CARMIL1: variants seen among roughly 807,000 people sequenced by gnomAD.
CARMIL1 encodes F-actin-uncapping protein LRRC16A.
CARMIL1 carries 90 observed loss-of-function variants against 177.1 expected under a neutral mutation model. The ratio of observed to expected loss-of-function variants is 0.51; its 90% CI spans 0.43 to 0.61. The LOEUF (loss-of-function observed/expected upper bound fraction) is 0.61. Among genes scored for constraint, CARMIL1 ranks in the 20% least tolerant of loss-of-function variants. The probability of loss-of-function intolerance (pLI) is 0.00; values close to 1 mark genes in which losing one functional copy is unlikely to be tolerated. For missense variants in CARMIL1, 1,380 were observed against 1,667.0 expected (o/e 0.83, Z 3.00); for synonymous variants, 577 against 606.2 (o/e 0.95, Z 0.71).
intron 5 of CARMIL1, among the ~76,000 whole-genome samples, chr6:25,447,037 A>C (rs1798301670): frequency 6.6e-6 from 1 of 152,196 alleles, no homozygotes; most frequent in Non-Finnish European, 1.5e-5. Context: ...ACGTCACCAA[A>C]ACAGATATTA....
intron 22 of CARMIL1, among the ~76,000 whole-genome samples, chr6:25,519,827 T>A (rs995409075): frequency 2.6e-5 from 4 of 152,210 alleles, no homozygotes; most frequent in Non-Finnish European, 5.9e-5. Context: ...TTGGGGCTGG[T>A]TGTCACACAT....
chr6:25,521,194 G>T (rs1806515924), intron 23 of CARMIL1, among the ~76,000 whole-genome samples: 1 of 152,150 alleles, frequency 6.6e-6, no homozygotes, highest in Non-Finnish European at 1.5e-5. Flanking sequence ...AAGAAGGGAA[G>T]GGCAGGTTGG....
chr6:25,614,803 G>A (rs1188869013), intron 36 of CARMIL1, among the ~76,000 whole-genome samples: 4 of 152,190 alleles, frequency 2.6e-5, no homozygotes, highest in Admixed American at 6.5e-5. Flanking sequence ...GAGGCTTTGC[G>A]TTAGAGTAAA....
intron 27 of CARMIL1, 30 bp downstream of exon 27, chr6:25,551,115 G>C (rs1390637569): frequency 6.3e-7 from 1 of 1,574,814 alleles, no homozygotes. Flanking sequence ...AAACCTAGGA[G>C]CTGCAGTTTC....
At chr6:25,461,453 A>T (rs1039008927) in intron 8 of CARMIL1, among the ~76,000 whole-genome samples, 1 of 152,318 alleles carries the variant, frequency 6.6e-6, no homozygotes, top group Non-Finnish European at 1.5e-5. Flanking sequence ...TTGGTGCTTG[A>T]TGCTGGCTGG....
intron 2 of CARMIL1, among the ~76,000 whole-genome samples, chr6:25,309,080 G>T (rs1476175370): frequency 6.6e-6 from 1 of 152,090 alleles, no homozygotes; most frequent in African/African-American, 2.4e-5. Flanking sequence ...TGGAGACAGG[G>T]TCTCACTATG....
chr6:25,549,454 CT>C (rs1202359714), intron 26 of CARMIL1, among the ~76,000 whole-genome samples: 1 of 152,164 alleles, frequency 6.6e-6, no homozygotes, highest in Non-Finnish European at 1.5e-5. Context: ...TTACTTGCAT[CT>C]CTTGCAGATG....
intron 2 of CARMIL1, among the ~76,000 whole-genome samples, chr6:25,390,790 A>T (rs780830910): frequency 6.6e-6 from 1 of 152,200 alleles, no homozygotes; most frequent in Non-Finnish European, 1.5e-5. Context: ...TCCTGGGTTC[A>T]AGTGATTCTC....
At chr6:25,339,667 C>T (rs1236699594) in intron 2 of CARMIL1, among the ~76,000 whole-genome samples, 1 of 152,188 alleles carries the variant, frequency 6.6e-6, no homozygotes, top group Non-Finnish European at 1.5e-5. Context: ...CTTCAGTTCT[C>T]AGCAGGGTCA....
chr6:25,493,048 A>G lies in CARMIL1; in HGVS notation c.1220+1024A>G, dbSNP rs145861496. Among the ~76,000 whole-genome samples, 841 of 152,344 alleles carry G rather than the reference A, an allele frequency of 5.5e-3. 7 individuals carry two copies. Among genetic ancestry groups the G allele is most frequent in the Non-Finnish European group, 7.1e-3 (481 of 68,020 alleles). On this transcript the variant is annotated intron_variant, in intron 15 of 36. Coordinates refer to ENST00000329474, the MANE Select transcript of CARMIL1 (RefSeq NM_017640.6). The stretch of plus-strand genomic sequence containing the variant: ...GTTTTAATTGAAACCTAGTCAACTC[A>G]TATATTTGAAGCCAGCTTATAAAGC...
intron 21 of CARMIL1, 54 bp from the exon 22 acceptor site, chr6:25,517,293 G>T: frequency 7.4e-7 from 1 of 1,360,098 alleles, no homozygotes; most frequent in South Asian, 1.2e-5. Context: ...TATTCAATGT[G>T]AGAATCATTT....
chr6:25,485,486 G>T (rs889838220), intron 12 of CARMIL1, among the ~76,000 whole-genome samples: 1 of 152,198 alleles, frequency 6.6e-6, no homozygotes, highest in Non-Finnish European at 1.5e-5. Context: ...CACGATCTTG[G>T]CTCACTTGCA....
At chr6:25,528,368 A>G (rs965284677) in intron 23 of CARMIL1, among the ~76,000 whole-genome samples, 1 of 152,222 alleles carries the variant, frequency 6.6e-6, no homozygotes, top group African/African-American at 2.4e-5. Flanking sequence ...TACAGCTGGA[A>G]TAAGGCTATA....
chr6:25,400,218 A>G lies in CARMIL1; in HGVS notation c.139-19896A>G, dbSNP rs112978752. ...TTACCTTAAAATCTCCATGTAAATC[A>G]TGCTAACCTAGCACGATCCATGGTG... On this transcript the variant is annotated intron_variant, in intron 2 of 36. Coordinates refer to ENST00000329474, the MANE Select transcript of CARMIL1 (RefSeq NM_017640.6). 4.4e-3 allele frequency among the ~76,000 whole-genome samples: 668 copies of G among 152,258 alleles called. 6 individuals are homozygous for G. The highest frequency in any genetic ancestry group is 0.015 in the African/African-American group (617 of 41,534).
At chr6:25,331,374 A>G (rs1216575243) in intron 2 of CARMIL1, among the ~76,000 whole-genome samples, 5 of 152,230 alleles carry the variant, frequency 3.3e-5, no homozygotes, top group Admixed American at 2.0e-4. Context: ...AGCCCATGAT[A>G]GGCTAAAGAG....
At chr6:25,452,861 C>T (rs1175951792) in intron 8 of CARMIL1, among the ~76,000 whole-genome samples, 1 of 152,166 alleles carries the variant, frequency 6.6e-6, no homozygotes, top group Non-Finnish European at 1.5e-5. Context: ...GCTATTCTTC[C>T]TTGGTACTTC....
Position 25,317,471 on chromosome 6 carries a change from C to CAT in CARMIL1, c.138+32565_138+32566dup, listed in dbSNP as rs561028948. ...TTTTATTTAGTGAGAGCCATAACAT[C>CAT]ATATTGTTTCCATATTCTTTTCATC... On this transcript the variant is annotated intron_variant, in intron 2 of 36. Coordinates refer to ENST00000329474, the MANE Select transcript of CARMIL1 (RefSeq NM_017640.6). Among the ~76,000 whole-genome samples, 142 of 149,390 alleles carry CAT rather than the reference C, an allele frequency of 9.5e-4. 1 individual carries two copies. The Middle Eastern group carries it at 0.014, about 15-fold the overall frequency.
intron 4 of CARMIL1, among the ~76,000 whole-genome samples, chr6:25,433,829 ATCATTTTGACATACCTTGCGTTACTTT>A (rs1797012203): frequency 6.6e-6 from 1 of 152,194 alleles, no homozygotes; most frequent in African/African-American, 2.4e-5. Context: ...CTTTGATCTC[ATCATTTTGACATACCTTGCGTTACTTT>A]TCATTTTGAC....
intron 2 of CARMIL1, among the ~76,000 whole-genome samples, chr6:25,316,071 G>A (rs1322976806): frequency 1.3e-5 from 2 of 152,212 alleles, no homozygotes; most frequent in Non-Finnish European, 2.9e-5. Context: ...TATTAGTAAT[G>A]ACGTTGGTGC....
Sources: allele counts gnomAD v4.1 joint callset (sites outside exome capture counted in the v4.1 genomes callset), GRCh38; gene constraint gnomAD v4.1.1; transcripts MANE v1.5; gene names NCBI Gene and HGNC (gene_info 2026-07-23, HGNC 2026-07-21).